Variants in E2F6 observed in about 807,000 individuals in gnomAD.
The protein encoded by E2F6 is E2F transcription factor 6.
Under a neutral mutation model 31.5 loss-of-function variants are expected in E2F6, and 19 were observed. The observed-to-expected ratio is 0.60, with a 90% CI of 0.42 to 0.89. The LOEUF is 0.89. E2F6 is among the 40% of genes least tolerant of loss of function. The pLI is 0.00. For synonymous variants in E2F6, 121 were observed against 127.7 expected (o/e 0.95, Z 0.36); for missense variants, 269 against 341.6 (o/e 0.79, Z 1.67).
chr2:11,457,838 T>C (rs1011080246), intron 1 of E2F6, among the ~76,000 whole-genome samples: 1 of 152,198 alleles, frequency 6.6e-6, no homozygotes, highest in Non-Finnish European at 1.5e-5. Context: ...GCATTCCCAT[T>C]ATAATTAATG....
intron 2 of E2F6, among the ~76,000 whole-genome samples, chr2:11,454,998 T>G (rs1671315002): frequency 6.6e-6 from 1 of 152,244 alleles, no homozygotes; most frequent in Admixed American, 6.5e-5. Context: ...ACTTTACGAT[T>G]TTGCTTCATA....
intron 1 of E2F6, among the ~76,000 whole-genome samples, chr2:11,461,250 T>C (rs1289836504): frequency 6.6e-6 from 1 of 151,664 alleles, no homozygotes; most frequent in Admixed American, 6.6e-5. Context: ...TCTTCCCACA[T>C]GATCCCATCC....
Position 11,458,220 on chromosome 2 carries a change from T to C in E2F6, c.109-987A>G, listed in dbSNP as rs529256666. On this transcript the variant is annotated intron_variant, in intron 1 of 6. Coordinates refer to ENST00000381525, the MANE Select transcript of E2F6 (RefSeq NM_198256.4). The stretch of plus-strand genomic sequence containing the variant: ...AGCAAAACTGGGGCAAGTGAATTCA[T>C]AGGTACTCTAAGAAGAGAATCAACA... The C allele has an allele frequency of 1.7e-3, 2,584 of 1,536,318 alleles. 2 individuals carry two copies. Among genetic ancestry groups the C allele is most frequent in the Non-Finnish European group, 2.0e-3 (2,242 of 1,133,244 alleles).
In E2F6 at chr2:11,451,817, A is replaced by C; in HGVS notation, c.381-11T>G. The C allele has an allele frequency of 6.2e-7, 1 of 1,603,244 alleles. No homozygotes were observed. Among genetic ancestry groups the C allele is most frequent in the South Asian group, 1.1e-5 (1 of 89,094 alleles). The stretch of plus-strand genomic sequence containing the variant: ...CTAAGATCAGATCCTCTTTAGAAGA[A>C]AAAAAATGTCAGCATCAATACCAAC... On this transcript the variant is annotated splice_polypyrimidine_tract_variant and intron_variant, in intron 3 of 6. Coordinates refer to ENST00000381525, the MANE Select transcript of E2F6 (RefSeq NM_198256.4).
Position 11,465,929 on chromosome 2 carries a change from C to A in E2F6, c.-50G>T. 6.9e-7 allele frequency: 1 copy of A among 1,451,578 alleles called. No individual in the cohort carries two copies. The highest frequency in any genetic ancestry group is 9.2e-7 in the Non-Finnish European group (1 of 1,086,586). The allele number at this position is 1,451,578 out of a possible 1,614,324, so 89.9% of individuals were successfully genotyped here. ...CCCTCGCACCCCACGAGCTCTCCCGCCCTCTCGCGCTCAGCTCGAGCACCG... is the reference window on the plus strand; with the variant it reads ...CCCTCGCACCCCACGAGCTCTCCCGACCTCTCGCGCTCAGCTCGAGCACCG... On this transcript the variant is annotated 5_prime_UTR_variant, in exon 1 of 7. Transcript: ENST00000381525.
chr2:11,456,904 G>C (rs571705550), intron 2 of E2F6: 23 of 381,732 alleles, frequency 6.0e-5, no homozygotes, highest in Non-Finnish European at 8.9e-5. Flanking sequence ...CCTAAGATAA[G>C]GGACAAGAAG....
rs570036553 is a variant in E2F6, at chr2:11,465,838, G to A, written c.42C>T (p.Leu14=). The change falls in exon 1 of 7, where the codon CTC becomes CTT. Residue 14 remains leucine (L), a synonymous_variant. Coordinates refer to ENST00000381525, the MANE Select transcript of E2F6 (RefSeq NM_198256.4). ...QRPARKLPSL[L]LDPTEETVRR... The stretch of plus-strand genomic sequence containing the variant: ...GAACCGTCTCCTCCGTCGGGTCCAG[G>A]AGGAGACTGGGTAACTTCCTCGCCG... 1.3e-6 allele frequency: 2 copies of A among 1,591,046 alleles called. No individual in the cohort carries two copies. Among genetic ancestry groups the A allele is most frequent in the East Asian group, 2.3e-5 (1 of 43,706 alleles).
chr2:11,445,811 C>A lies in E2F6; in HGVS notation c.*666G>T, dbSNP rs1005586316. On this transcript the variant is annotated 3_prime_UTR_variant, in exon 7 of 7. Coordinates refer to ENST00000381525, the MANE Select transcript of E2F6 (RefSeq NM_198256.4). ...TATTAAAATACTTTAATTAAATCCA[C>A]AAACATAAATGTGTAGCACATTTAT... is the stretch of plus-strand genomic sequence containing the variant. The A allele has an allele frequency of 6.6e-6, 1 of 151,312 alleles. No individual in the cohort carries two copies. The highest frequency in any genetic ancestry group is 1.5e-5 in the Non-Finnish European group (1 of 67,832). The allele number at this position is 151,312 out of a possible 1,614,324, so 9.4% of individuals were successfully genotyped here.
intron 1 of E2F6, among the ~76,000 whole-genome samples, chr2:11,464,896 T>A (rs1672041204): frequency 6.6e-6 from 1 of 151,676 alleles, no homozygotes; most frequent in Admixed American, 6.6e-5. Context: ...TTACTACTAG[T>A]TATAGAAAGA....
At chr2:11,464,330 C>T (rs1452430810) in intron 1 of E2F6, among the ~76,000 whole-genome samples, 3 of 151,204 alleles carry the variant, frequency 2.0e-5, no homozygotes, top group Non-Finnish European at 4.4e-5. Flanking sequence ...CTGGCTTACA[C>T]GGTGAAACCC....
At chr2:11,460,642 C>T (rs978061282) in intron 1 of E2F6, among the ~76,000 whole-genome samples, 4 of 152,132 alleles carry the variant, frequency 2.6e-5, no homozygotes, top group African/African-American at 9.7e-5. Flanking sequence ...TTCTCAGAAT[C>T]GTCATTAGGC....
chr2:11,447,866 G>GA (rs1670820579), intron 5 of E2F6, 92 bp from the exon 6 acceptor site: 1 of 1,420,690 alleles, frequency 7.0e-7, no homozygotes, highest in South Asian at 1.4e-5. Context: ...AGACATTTGA[G>GA]AAAATCACCT....
At chr2:11,448,722 T>C (rs940930209) in intron 5 of E2F6, among the ~76,000 whole-genome samples, 1 of 152,248 alleles carries the variant, frequency 6.6e-6, no homozygotes, top group Non-Finnish European at 1.5e-5. Flanking sequence ...TTAAGTGTTG[T>C]CAAACTTCCA....
intron 1 of E2F6, among the ~76,000 whole-genome samples, chr2:11,460,525 G>A (rs959799882): frequency 6.6e-6 from 1 of 152,126 alleles, no homozygotes; most frequent in African/African-American, 2.4e-5. Context: ...AGCATCCCAA[G>A]GTCTCCAGCT....
rs572358848 is a variant in E2F6 at position 11,448,260 on chromosome 2, T to A, written c.652-486A>T. ...AAGGACTAATTAACTCATTATGATATTCACATCCTTTGATTTCAGATTTCC... is the reference window on the plus strand; with the variant it reads ...AAGGACTAATTAACTCATTATGATAATCACATCCTTTGATTTCAGATTTCC... On this transcript the variant is annotated intron_variant, in intron 5 of 6. Transcript: ENST00000381525. Among the ~76,000 whole-genome samples, 4 of 152,348 alleles carry A rather than the reference T, an allele frequency of 2.6e-5. No homozygotes were observed. In the South Asian group the frequency reaches 6.2e-4, roughly 24 times the overall value.
chr2:11,449,500 G>A lies in E2F6; in HGVS notation c.651+512C>T, dbSNP rs538640214. On this transcript the variant is annotated intron_variant, in intron 5 of 6. Transcript: ENST00000381525. ...ATTATCTTTCAATGCAAATTTTTCT[G>A]CAAGGGAAAGAACGCACTGAGCAGC... 2.0e-5 allele frequency among the ~76,000 whole-genome samples: 3 copies of A among 152,324 alleles called. No individual in the cohort carries two copies. In the East Asian group the frequency reaches 5.8e-4, roughly 29 times the overall value.
At chr2:11,465,666 G>A (rs1231340726) in intron 1 of E2F6, 106 bp downstream of exon 1, 3 of 1,168,698 alleles carry the variant, frequency 2.6e-6, no homozygotes, top group African/African-American at 3.1e-5. Context: ...TGGCCCAGGG[G>A]GAGCAGACGA....
intron 1 of E2F6, among the ~76,000 whole-genome samples, chr2:11,460,799 A>T (rs1463224759): frequency 2.6e-5 from 4 of 152,234 alleles, no homozygotes; most frequent in Admixed American, 2.6e-4. Context: ...GATAACGGTA[A>T]CTAACAGAAT....
chr2:11,463,954 G>A lies in E2F6; in HGVS notation c.108+1818C>T, dbSNP rs545352807. Among the ~76,000 whole-genome samples, 122 of 132,500 alleles carry A rather than the reference G, an allele frequency of 9.2e-4. 10 individuals are homozygous for A. Among genetic ancestry groups the A allele is most frequent in the Non-Finnish European group, 1.0e-3 (61 of 60,624 alleles). 86.9% of individuals were successfully genotyped at this position (132,500 alleles called of 152,430 possible). A position where few individuals can be genotyped will look rare whatever the true frequency, so the allele number is the denominator to read the frequency against. Reference sequence around the variant, plus strand: ...ACAGAGTGAGATCCTGCACCGGGGGGGGGGACAAAAACAAAAACAGAAAAA... The same window carrying A: ...ACAGAGTGAGATCCTGCACCGGGGGAGGGGACAAAAACAAAAACAGAAAAA... On this transcript the variant is annotated intron_variant, in intron 1 of 6. Transcript: ENST00000381525.
Sources: allele counts gnomAD v4.1 joint callset (sites outside exome capture counted in the v4.1 genomes callset), GRCh38; gene constraint gnomAD v4.1.1; transcripts MANE v1.5; gene names NCBI Gene and HGNC (gene_info 2026-07-23, HGNC 2026-07-21).